The following AKT3 variants were observed in gnomAD, a reference collection of about 807,000 sequenced individuals.
The protein encoded by AKT3 is AKT serine/threonine kinase 3, also known as RAC-gamma serine/threonine-protein kinase.
AKT3 carries 15 observed loss-of-function variants against 65.3 expected under a neutral mutation model. The ratio of observed to expected loss-of-function variants is 0.23; its 90% CI spans 0.15 to 0.35. AKT3 has a LOEUF of 0.35. Among genes scored for constraint, AKT3 ranks in the 10% least tolerant of loss-of-function variants. The pLI, the probability that AKT3 is intolerant of heterozygous loss-of-function variation, is 1.00. For missense variants in AKT3, 243 were observed against 576.5 expected (o/e 0.42, Z 5.92); for synonymous variants, 206 against 183.8 (o/e 1.12, Z -0.98).
intron 4 of AKT3, among the ~76,000 whole-genome samples, chr1:243,652,113 A>G (rs776334790): frequency 2.0e-5 from 3 of 150,356 alleles, no homozygotes; most frequent in Non-Finnish European, 4.4e-5. Context: ...CAGTAGTGCA[A>G]TCTTGGCTCA....
chr1:243,659,607 T>G lies in AKT3; in HGVS notation c.284+5165A>C, dbSNP rs535855511. On this transcript the variant is annotated intron_variant, in intron 4 of 13. Coordinates refer to ENST00000673466, the MANE Select transcript of AKT3 (RefSeq NM_005465.7). Reference sequence around the variant, plus strand: ...AGACTAAATCCTAAAAGCGCAAATATGTATATGTGTTATCCACAATCAGTG... The same window carrying G: ...AGACTAAATCCTAAAAGCGCAAATAGGTATATGTGTTATCCACAATCAGTG... Among the ~76,000 whole-genome samples, 3 of 152,198 alleles carry G rather than the reference T, an allele frequency of 2.0e-5. No individual in the cohort carries two copies. The East Asian group carries it at 5.8e-4, about 29-fold the overall frequency.
At chr1:243,834,753 A>G (rs922020008) in intron 2 of AKT3, among the ~76,000 whole-genome samples, 1 of 152,166 alleles carries the variant, frequency 6.6e-6, no homozygotes, top group African/African-American at 2.4e-5. Context: ...AAAAAAGCTA[A>G]GGAAAAGTTC....
chr1:243,763,075 T>A (rs1370380716), intron 2 of AKT3, among the ~76,000 whole-genome samples: 4 of 152,034 alleles, frequency 2.6e-5, no homozygotes, highest in African/African-American at 9.7e-5. Context: ...AAAAACAATA[T>A]AAAGTTTATT....
At chr1:243,544,269 G>A (rs1407185544) in intron 12 of AKT3, among the ~76,000 whole-genome samples, 2 of 148,778 alleles carry the variant, frequency 1.3e-5, no homozygotes, top group South Asian at 2.1e-4. Flanking sequence ...AAAAAAGCAG[G>A]GGGAGGGGGG....
At chr1:243,519,921 T>C (rs1184769545) in intron 12 of AKT3, among the ~76,000 whole-genome samples, 1 of 152,254 alleles carries the variant, frequency 6.6e-6, no homozygotes, top group Non-Finnish European at 1.5e-5. Context: ...CAAAAGTGTC[T>C]TGAACTTGAC....
intron 2 of AKT3, among the ~76,000 whole-genome samples, chr1:243,762,150 A>G (rs552351781): frequency 6.6e-6 from 1 of 152,266 alleles, no homozygotes; most frequent in East Asian, 1.9e-4. Context: ...ATCATGTGAA[A>G]TGGATACTTA....
rs1419838168 is a variant in AKT3, at chr1:243,501,744, A to G, written c.*3505T>C. The G allele has an allele frequency of 4.3e-6, 1 of 232,874 alleles. No individual in the cohort carries two copies. Among genetic ancestry groups the G allele is most frequent in the African/African-American group, 2.2e-5 (1 of 45,348 alleles). 14.4% of individuals were successfully genotyped at this position (232,874 alleles called of 1,614,324 possible). ...TGGGGGGATTATAGAACCACATCCA[A>G]CAACAATAAACAGAGAAGTAGCAGA... is the stretch of plus-strand genomic sequence containing the variant. On this transcript the variant is annotated 3_prime_UTR_variant, in exon 14 of 14. Coordinates refer to ENST00000673466, the MANE Select transcript of AKT3 (RefSeq NM_005465.7).
rs1296281107 is a variant in AKT3 at position 243,710,398 on chromosome 1, C to A, written c.47-14682G>T. Among the ~76,000 whole-genome samples the A allele has an allele frequency of 2.0e-5, 3 of 152,144 alleles. No homozygotes were observed. The East Asian group carries it at 5.8e-4, about 29-fold the overall frequency. On this transcript the variant is annotated intron_variant, in intron 2 of 13. Coordinates refer to ENST00000673466, the MANE Select transcript of AKT3 (RefSeq NM_005465.7). ...AATACTGGCATCCATCACCATGTGCCATTAAACATTAAAATATCCTTATAT... is the reference window on the plus strand; with the variant it reads ...AATACTGGCATCCATCACCATGTGCAATTAAACATTAAAATATCCTTATAT...
intron 2 of AKT3, among the ~76,000 whole-genome samples, chr1:243,820,463 A>C (rs777149902): frequency 1.3e-5 from 2 of 152,234 alleles, no homozygotes; most frequent in Non-Finnish European, 2.9e-5. Flanking sequence ...AGATGAACTG[A>C]CAGAAGTAGG....
At chr1:243,620,979 A>G (rs1395694943) in intron 6 of AKT3, among the ~76,000 whole-genome samples, 3 of 152,136 alleles carry the variant, frequency 2.0e-5, no homozygotes, top group Non-Finnish European at 4.4e-5. Context: ...ACACAAACAT[A>G]TTGACTAACA....
At chr1:243,630,283 C>A (rs932595290) in intron 6 of AKT3, among the ~76,000 whole-genome samples, 5 of 152,190 alleles carry the variant, frequency 3.3e-5, no homozygotes, top group African/African-American at 1.2e-4. Flanking sequence ...ATTTAAATAT[C>A]ATCAGCTCAA....
downstream of AKT3, among the ~76,000 whole-genome samples, chr1:243,495,444 G>C (rs888801919): frequency 1.3e-5 from 2 of 152,220 alleles, no homozygotes; most frequent in African/African-American, 4.8e-5. Flanking sequence ...CTCTGACTGC[G>C]GTGTGGAGGC....
At chr1:243,521,083 T>C (rs1670690935) in intron 12 of AKT3, among the ~76,000 whole-genome samples, 1 of 152,216 alleles carries the variant, frequency 6.6e-6, no homozygotes, top group Non-Finnish European at 1.5e-5. Context: ...CAGATATCTA[T>C]ATTCTTTCTT....
intron 2 of AKT3, among the ~76,000 whole-genome samples, chr1:243,745,112 G>A (rs1055706173): frequency 6.6e-6 from 1 of 152,086 alleles, no homozygotes; most frequent in African/African-American, 2.4e-5. Flanking sequence ...GCTGAGGCAA[G>A]AGGATCACTT....
At chr1:243,586,751 G>A (rs1298227618) in intron 8 of AKT3, among the ~76,000 whole-genome samples, 1 of 151,966 alleles carries the variant, frequency 6.6e-6, no homozygotes, top group African/African-American at 2.4e-5. Context: ...AAAAAGGGTG[G>A]AAAAATTAAC....
At chr1:243,699,507 A>G (rs891920300) in intron 2 of AKT3, among the ~76,000 whole-genome samples, 1 of 93,244 alleles carries the variant, frequency 1.1e-5, no homozygotes, top group South Asian at 3.1e-4. Flanking sequence ...ATATATATAT[A>G]TATATAATCT....
At chr1:243,527,894 C>CACACAAGACTCCATCTCTTAAA (rs1558589973) in intron 12 of AKT3, among the ~76,000 whole-genome samples, 1 of 105,670 alleles carries the variant, frequency 9.5e-6, no homozygotes, top group African/African-American at 3.8e-5. Context: ...CACACACACA[C>CACACAAGACTCCATCTCTTAAA]ACACACACAC....
At chr1:243,686,630 CAT>C (rs1553433261) in intron 3 of AKT3, among the ~76,000 whole-genome samples, 703 of 18,860 alleles carry the variant, frequency 0.037, 31 homozygotes, top group South Asian at 0.11. Flanking sequence ...AAATTGTTTT[CAT>C]ATATATATAT....
chr1:243,549,684 C>CA (rs2148458593), intron 11 of AKT3, among the ~76,000 whole-genome samples: 1 of 152,180 alleles, frequency 6.6e-6, no homozygotes, highest in Admixed American at 6.5e-5. Context: ...CTCGGCCTCC[C>CA]AAAGTGCGGG....
Sources: allele counts gnomAD v4.1 joint callset (sites outside exome capture counted in the v4.1 genomes callset), GRCh38; gene constraint gnomAD v4.1.1; transcripts MANE v1.5; gene names NCBI Gene and HGNC (gene_info 2026-07-23, HGNC 2026-07-21).